PCM1: variants seen among roughly 807,000 people sequenced by gnomAD.
The protein encoded by PCM1 is pericentriolar material 1.
In PCM1, 157 loss-of-function variants were observed where a neutral mutation model predicts 241.9. That is an observed-to-expected ratio of 0.65 (90% CI 0.57 to 0.74). The LOEUF is 0.74. Among genes scored for constraint, PCM1 ranks in the 30% least tolerant of loss-of-function variants. The probability of loss-of-function intolerance (pLI) is 0.00; values close to 1 mark genes in which losing one functional copy is unlikely to be tolerated. For missense variants in PCM1, 3,478 were observed against 2,360.1 expected (o/e 1.47, Z -9.81); for synonymous variants, 1,085 against 784.9 (o/e 1.38, Z -6.39).
At chr8:17,943,121 C>T (rs1246581057) in intron 6 of PCM1, among the ~76,000 whole-genome samples, 1 of 150,622 alleles carries the variant, frequency 6.6e-6, no homozygotes, top group East Asian at 1.9e-4. Context: ...TGTTTTATTA[C>T]TGGTTTATTA....
intron 32 of PCM1, 90 bp from the exon 33 acceptor site, chr8:18,011,147 A>AAAAAC: frequency 1.2e-6 from 1 of 809,386 alleles, no homozygotes; most frequent in Non-Finnish European, 1.8e-6. Flanking sequence ...TTTTTATTAG[A>AAAAAC]TAATGATCAT....
chr8:18,017,872 A>G (rs1564419840), intron 36 of PCM1, among the ~76,000 whole-genome samples: 1 of 152,078 alleles, frequency 6.6e-6, no homozygotes, highest in Non-Finnish European at 1.5e-5. Flanking sequence ...AAAGTTCCCA[A>G]GGGTTTGACT....
At chr8:17,999,296 C>G (rs2088291640) in intron 29 of PCM1, among the ~76,000 whole-genome samples, 2 of 152,020 alleles carry the variant, frequency 1.3e-5, no homozygotes, top group African/African-American at 4.8e-5. Flanking sequence ...CACCCAAGGC[C>G]CATGGCATAC....
intron 21 of PCM1, among the ~76,000 whole-genome samples, chr8:17,968,679 A>G (rs930721001): frequency 1.3e-5 from 2 of 151,636 alleles, no homozygotes; most frequent in Middle Eastern, 6.3e-3. Flanking sequence ...CTTCTTACAT[A>G]CATATATTAC....
Position 18,023,521 on chromosome 8 carries a change from G to A in PCM1, c.5842-1840G>A, listed in dbSNP as rs1333288896. ...TGGTCTCACTGGAACTCCAGTAGAA[G>A]TTTAGCTGCTCACAGGGATGAGCTT... On this transcript the variant is annotated intron_variant, in intron 36 of 38. Transcript: ENST00000325083. 2.0e-5 allele frequency among the ~76,000 whole-genome samples: 3 copies of A among 152,312 alleles called. No homozygotes were observed. The East Asian group carries it at 5.8e-4, about 29-fold the overall frequency.
At position 17,924,333 on chromosome 8, in the gene PCM1, A is replaced by G. The variant is rs565816356; in HGVS notation, c.-90-380A>G. On this transcript the variant is annotated intron_variant, in intron 1 of 38. Coordinates refer to ENST00000325083, the MANE Select transcript of PCM1 (RefSeq NM_006197.4). Reference sequence around the variant, plus strand: ...AGTACAGTAGCTTTTAAATGAGCAAACATTTTTAAAATCATCGGATATACG... The same window carrying G: ...AGTACAGTAGCTTTTAAATGAGCAAGCATTTTTAAAATCATCGGATATACG... Among the ~76,000 whole-genome samples the G allele has an allele frequency of 8.2e-4, 125 of 152,302 alleles. 1 individual carries two copies. Among genetic ancestry groups the G allele is most frequent in the African/African-American group, 2.9e-3 (120 of 41,564 alleles).
intron 2 of PCM1, among the ~76,000 whole-genome samples, chr8:17,928,294 C>A (rs948382651): frequency 1.3e-5 from 2 of 152,164 alleles, no homozygotes; most frequent in Non-Finnish European, 2.9e-5. Context: ...TTCCCTGAGT[C>A]CGTAGTGCTG....
intron 29 of PCM1, among the ~76,000 whole-genome samples, chr8:18,002,820 G>T (rs1241244194): frequency 7.1e-6 from 1 of 140,906 alleles, no homozygotes; most frequent in East Asian, 2.0e-4. Flanking sequence ...TTTCTCTGAT[G>T]GTCAGTGATG....
intron 36 of PCM1, among the ~76,000 whole-genome samples, chr8:18,020,265 A>G (rs901450333): frequency 1.3e-5 from 2 of 152,230 alleles, no homozygotes; most frequent in African/African-American, 4.8e-5. Flanking sequence ...GAGTTGTCAG[A>G]GCATATCCAA....
chr8:17,929,938 C>G (rs949269145), intron 2 of PCM1, among the ~76,000 whole-genome samples: 2 of 152,154 alleles, frequency 1.3e-5, no homozygotes, highest in Non-Finnish European at 2.9e-5. Flanking sequence ...ACTTTACTCA[C>G]CAGTTTCCTG....
At chr8:17,947,433 C>A in intron 7 of PCM1, 70 bp downstream of exon 7, 1 of 1,060,770 alleles carries the variant, frequency 9.4e-7, no homozygotes. Flanking sequence ...AGGGTGGATG[C>A]TGATTATTAC....
At chr8:17,984,861 A>G (rs1201772772) in intron 24 of PCM1, among the ~76,000 whole-genome samples, 1 of 151,972 alleles carries the variant, frequency 6.6e-6, no homozygotes, top group Admixed American at 6.6e-5. Flanking sequence ...GAGTATGTAA[A>G]TAAGACACAA....
chr8:17,948,149 A>G (rs1226005890), intron 7 of PCM1, among the ~76,000 whole-genome samples: 3 of 152,110 alleles, frequency 2.0e-5, no homozygotes, highest in Non-Finnish European at 4.4e-5. Context: ...TTTGCGAGTG[A>G]GTTAGGTTCT....
chr8:17,954,613 T>G (rs927291717), intron 9 of PCM1, among the ~76,000 whole-genome samples: 15 of 152,070 alleles, frequency 9.9e-5, no homozygotes, highest in African/African-American at 3.6e-4. Context: ...AGGAATAGAA[T>G]GAGGAGACTG....
chr8:18,009,337 C>T (rs2092084036), intron 30 of PCM1, among the ~76,000 whole-genome samples: 1 of 152,066 alleles, frequency 6.6e-6, no homozygotes, highest in South Asian at 2.1e-4. Context: ...TATAGATGAC[C>T]ATATATGTTC....
rs146091903 is a variant in PCM1 at position 17,963,268 on chromosome 8, T to C, written c.2631T>C (p.Thr877=). The C allele has an allele frequency of 1.3e-4, 205 of 1,592,844 alleles. No homozygotes were observed. In the African/African-American group the frequency reaches 2.6e-3, roughly 21 times the overall value. ...GTGATGGATCTGAGAACCTATGTAC[T>C]CCTCAGCAAAGTAGAACAGAAAAGT... ...LRSDGSENLC[T]PQQSRTEKTM... Residue 877 remains threonine (T), a synonymous_variant, in exon 17 of 39, where the codon ACT becomes ACC. Transcript: ENST00000325083.
chr8:17,935,499 A>C, intron 2 of PCM1, 90 bp from the exon 3 acceptor site: 1 of 607,278 alleles, frequency 1.6e-6, no homozygotes, highest in Non-Finnish European at 3.0e-6. Context: ...TCAGTGCTTC[A>C]AAGATTGTAT....
chr8:17,964,840 C>G lies in PCM1; in HGVS notation c.2855+72C>G, dbSNP rs539493999. ...TCTTTTTGACTGACAGCAAGCACTT[C>G]TGCAGTTCTCCAAGCCAACTGAATG... is the stretch of plus-strand genomic sequence containing the variant. On this transcript the variant is annotated intron_variant, in intron 18 of 38. Coordinates refer to ENST00000325083, the MANE Select transcript of PCM1 (RefSeq NM_006197.4). 5,259 of 1,118,482 alleles carry G rather than the reference C, an allele frequency of 4.7e-3. 18 individuals carry two copies. Among genetic ancestry groups the G allele is most frequent in the Non-Finnish European group, 6.6e-3 (4,934 of 743,764 alleles). The allele number at this position is 1,118,482 out of a possible 1,614,324, so 69.3% of individuals were successfully genotyped here. A position where few individuals can be genotyped will look rare whatever the true frequency, so the allele number is the denominator to read the frequency against.
At chr8:17,930,126 CAG>C (rs2058522410) in intron 2 of PCM1, among the ~76,000 whole-genome samples, 1 of 128,074 alleles carries the variant, frequency 7.8e-6, no homozygotes, top group African/African-American at 3.0e-5. Flanking sequence ...TTTTTTGAGA[CAG>C]AGTCTCGCTC....
Sources: allele counts gnomAD v4.1 joint callset (sites outside exome capture counted in the v4.1 genomes callset), GRCh38; gene constraint gnomAD v4.1.1; transcripts MANE v1.5; gene names NCBI Gene and HGNC (gene_info 2026-07-23, HGNC 2026-07-21).